LINGO2: variants seen among roughly 807,000 people sequenced by gnomAD.
LINGO2 encodes the protein leucine-rich repeat and immunoglobulin-like domain-containing nogo receptor-interacting protein 2.
Under a neutral mutation model 30.6 loss-of-function variants are expected in LINGO2, and 14 were observed. The ratio of observed to expected loss-of-function variants is 0.46; its 90% CI spans 0.30 to 0.72. The LOEUF (loss-of-function observed/expected upper bound fraction) is 0.72. LINGO2 is among the 30% of genes least tolerant of loss of function. The pLI, the probability that LINGO2 is intolerant of heterozygous loss-of-function variation, is 0.07. For missense variants in LINGO2, 729 were observed against 751.7 expected (o/e 0.97, Z 0.35); for synonymous variants, 317 against 288.5 (o/e 1.10, Z -1.00).
chr9:28,770,529 CA>C, the LINGO2 span, among the ~76,000 whole-genome samples: 1 of 152,096 alleles, frequency 6.6e-6, no homozygotes, highest in Non-Finnish European at 1.5e-5. Flanking sequence ...TGGAAAGATC[CA>C]ATAGTATGCT....
the LINGO2 span, among the ~76,000 whole-genome samples, chr9:29,199,114 T>G: frequency 6.6e-6 from 1 of 152,088 alleles, no homozygotes; most frequent in Non-Finnish European, 1.5e-5. Context: ...GAAGTTTCAG[T>G]GATGTCATGA....
chr9:28,005,532 C>A (rs10757706), intron 5 of LINGO2, among the ~76,000 whole-genome samples: 1 of 151,828 alleles, frequency 6.6e-6, no homozygotes, highest in African/African-American at 2.4e-5. Context: ...ACTTGGTATT[C>A]GGTGTTCCAA....
At chr9:29,006,488 T>C in the LINGO2 span, among the ~76,000 whole-genome samples, 1 of 152,072 alleles carries the variant, frequency 6.6e-6, no homozygotes, top group Admixed American at 6.6e-5. Flanking sequence ...TGAGAACTGA[T>C]CTGGTACCAG....
the LINGO2 span, among the ~76,000 whole-genome samples, chr9:29,141,423 G>GA: frequency 2.0e-5 from 3 of 149,906 alleles, no homozygotes; most frequent in Non-Finnish European, 4.5e-5. Flanking sequence ...ATACACTAAA[G>GA]AAAAAATAAG....
At position 28,280,651 on chromosome 9, in the gene LINGO2, G is replaced by C. The variant is rs145442661; in HGVS notation, c.-87+14557C>G. On this transcript the variant is annotated intron_variant, in intron 4 of 5. Coordinates refer to ENST00000379992, the Ensembl canonical transcript of LINGO2. ...ACATCTGGAAGTTGTGTGGATATCA[G>C]TATACTCTGAATGGTTGGTTATGCA... 2.0e-3 allele frequency among the ~76,000 whole-genome samples: 310 copies of C among 152,226 alleles called. 1 individual carries two copies. Among genetic ancestry groups the C allele is most frequent in the Non-Finnish European group, 3.2e-3 (217 of 67,982 alleles).
the LINGO2 span, among the ~76,000 whole-genome samples, chr9:29,055,184 A>G: frequency 6.7e-6 from 1 of 149,664 alleles, no homozygotes; most frequent in Non-Finnish European, 1.5e-5. Context: ...ATGCCACTGC[A>G]CTCCAGCCTG....
At chr9:28,923,237 A>T in the LINGO2 span, among the ~76,000 whole-genome samples, 1 of 152,202 alleles carries the variant, frequency 6.6e-6, no homozygotes, top group Non-Finnish European at 1.5e-5. Context: ...TCCCTAACTA[A>T]TTCTGCAAAG....
intron 5 of LINGO2, among the ~76,000 whole-genome samples, chr9:27,970,427 A>G (rs1463625465): frequency 6.6e-6 from 1 of 152,202 alleles, no homozygotes; most frequent in Non-Finnish European, 1.5e-5. Context: ...TAATTGATTA[A>G]TCTAGTTTTA....
the LINGO2 span, among the ~76,000 whole-genome samples, chr9:28,774,041 TACACACACACAC>T: frequency 5.1e-3 from 742 of 146,888 alleles, 6 homozygotes; most frequent in African/African-American, 0.015. Context: ...TTCTTTTTGA[TACACACACACAC>T]ACACACACAC....
chr9:28,162,446 A>G (rs67558369), intron 4 of LINGO2, among the ~76,000 whole-genome samples: 12,724 of 152,162 alleles, frequency 0.084, 715 homozygotes, highest in Middle Eastern at 0.14. Context: ...TTTGCACTAG[A>G]TCAGTCAACT....
At chr9:28,599,040 T>C (rs909529185) in intron 1 of LINGO2, 2 of 152,238 alleles carry the variant, frequency 1.3e-5, no homozygotes, top group East Asian at 1.9e-4. Flanking sequence ...TTCTGTTATA[T>C]AGCAACTGCA....
chr9:28,232,964 T>C (rs1821411560), intron 4 of LINGO2, among the ~76,000 whole-genome samples: 1 of 147,744 alleles, frequency 6.8e-6, no homozygotes, highest in African/African-American at 2.5e-5. Context: ...CGTTTAGACT[T>C]CTATGATTCC....
chr9:28,712,419 C>A, the LINGO2 span, among the ~76,000 whole-genome samples: 1 of 150,888 alleles, frequency 6.6e-6, no homozygotes, highest in Non-Finnish European at 1.5e-5. Flanking sequence ...TCTTAGGGAG[C>A]CCAAGCCTAG....
chr9:28,456,336 C>T (rs1281428589), intron 2 of LINGO2, among the ~76,000 whole-genome samples: 2 of 152,200 alleles, frequency 1.3e-5, no homozygotes, highest in Non-Finnish European at 2.9e-5. Context: ...ACCTGAGTTG[C>T]TTCTATACTG....
the LINGO2 span, among the ~76,000 whole-genome samples, chr9:28,886,669 G>T: frequency 6.6e-6 from 1 of 152,106 alleles, no homozygotes; most frequent in African/African-American, 2.4e-5. Context: ...TTTTACAGGT[G>T]AAAGTCTGTT....
chr9:28,621,760 A>T (rs1002518456), intron 1 of LINGO2, among the ~76,000 whole-genome samples: 12 of 151,988 alleles, frequency 7.9e-5, no homozygotes, highest in African/African-American at 1.7e-4. Context: ...AGTAACAGGA[A>T]TTTTTTTGTT....
intron 4 of LINGO2, among the ~76,000 whole-genome samples, chr9:28,025,273 C>T (rs997136487): frequency 1.1e-4 from 17 of 152,142 alleles, no homozygotes; most frequent in African/African-American, 3.9e-4. Flanking sequence ...CTTACAGGGG[C>T]CCTCAATTCC....
At chr9:28,289,490 T>C (rs1434377769) in intron 4 of LINGO2, among the ~76,000 whole-genome samples, 1 of 152,186 alleles carries the variant, frequency 6.6e-6, no homozygotes, top group Non-Finnish European at 1.5e-5. Flanking sequence ...CCCATACTTA[T>C]GACTTATACA....
chr9:28,837,053 G>A, the LINGO2 span, among the ~76,000 whole-genome samples: 1 of 152,148 alleles, frequency 6.6e-6, no homozygotes, highest in Non-Finnish European at 1.5e-5. Context: ...GTACAGTTAT[G>A]TTTGTGAGTA....
Sources: gnomAD v4.1 joint callset for allele counts (sites outside exome capture counted in the v4.1 genomes callset) on GRCh38, gnomAD v4.1.1 for gene constraint, MANE v1.5 for transcripts, NCBI Gene and HGNC (gene_info 2026-07-23, HGNC 2026-07-21) for gene names.